The following PCDHA4 variants were observed in gnomAD, a reference collection of about 807,000 sequenced individuals.
The protein encoded by PCDHA4 is protocadherin alpha-4.
In PCDHA4, 49 loss-of-function variants were observed where a neutral mutation model predicts 61.4. That is an observed-to-expected ratio of 0.80 (90% CI 0.63 to 1.01). The LOEUF is 1.01. Among genes scored for constraint, PCDHA4 ranks in the 50% least tolerant of loss-of-function variants. The pLI is 0.00. For missense variants in PCDHA4, 1,254 were observed against 1,235.8 expected (o/e 1.01, Z -0.22); for synonymous variants, 590 against 550.3 (o/e 1.07, Z -1.01).
chr5:140,884,014 G>T, intron 1 of PCDHA4: 2 of 1,613,168 alleles, frequency 1.2e-6, no homozygotes, highest in Non-Finnish European at 1.7e-6. Context: ...AGCTGATGCC[G>T]CGGTCGGTGG....
chr5:140,814,564 T>C (rs1182489958), intron 1 of PCDHA4: 1 of 152,198 alleles, frequency 6.6e-6, no homozygotes, highest in Non-Finnish European at 1.5e-5. Flanking sequence ...GTATCAAGTA[T>C]TATGTACTGT....
At chr5:140,987,227 A>T (rs1410526870) in intron 3 of PCDHA4, among the ~76,000 whole-genome samples, 2 of 151,696 alleles carry the variant, frequency 1.3e-5, no homozygotes, top group African/African-American at 4.8e-5. Context: ...AAAAAAAAAA[A>T]TAATAAATAA....
At chr5:140,821,810 G>A (rs1767067233) in intron 1 of PCDHA4, 2 of 1,613,712 alleles carry the variant, frequency 1.2e-6, no homozygotes, top group Non-Finnish European at 1.7e-6. Context: ...CTGGGATCCC[G>A]GCTCCTGCTG....
At chr5:140,813,102 C>T (rs2126643889) in intron 1 of PCDHA4, 4 of 152,228 alleles carry the variant, frequency 2.6e-5, no homozygotes, top group African/African-American at 9.6e-5. Flanking sequence ...CTTGAGAAGA[C>T]TGTATATTTG....
intron 1 of PCDHA4, chr5:140,823,568 C>G: frequency 6.2e-7 from 1 of 1,613,952 alleles, no homozygotes; most frequent in South Asian, 1.1e-5. Flanking sequence ...GCAGTGGACC[C>G]TGATTCGGGC....
intron 3 of PCDHA4, among the ~76,000 whole-genome samples, chr5:140,984,053 TC>T (rs2097083610): frequency 6.6e-6 from 1 of 152,154 alleles, no homozygotes; most frequent in Non-Finnish European, 1.5e-5. Flanking sequence ...CATTGACAAA[TC>T]TGTACCCTCA....
In PCDHA4 at chr5:141,011,716, A is replaced by G. The variant is rs975588316; in HGVS notation, c.*1779A>G. 6.5e-6 allele frequency: 1 copy of G among 153,764 alleles called. No homozygotes were observed. Among genetic ancestry groups the G allele is most frequent in the African/African-American group, 2.4e-5 (1 of 41,450 alleles). 9.5% of individuals were successfully genotyped at this position (153,764 alleles called of 1,614,324 possible). On this transcript the variant is annotated 3_prime_UTR_variant, in exon 4 of 4. Transcript: ENST00000530339. Reference sequence around the variant, plus strand: ...TTGGAATGAATACTGACAATATTCCATGAGGGTGTGCAAGCACAAATTTTA... The same window carrying G: ...TTGGAATGAATACTGACAATATTCCGTGAGGGTGTGCAAGCACAAATTTTA...
chr5:141,004,642 C>T (rs1470971220), intron 3 of PCDHA4, among the ~76,000 whole-genome samples: 1 of 152,120 alleles, frequency 6.6e-6, no homozygotes, highest in African/African-American at 2.4e-5. Context: ...GAAAAATTTC[C>T]ATTTTGGGCT....
At chr5:140,955,401 A>T (rs1202478496) in intron 1 of PCDHA4, among the ~76,000 whole-genome samples, 2 of 152,122 alleles carry the variant, frequency 1.3e-5, no homozygotes, top group African/African-American at 4.8e-5. Flanking sequence ...TATCCCATAC[A>T]GTTCTCATGA....
intron 1 of PCDHA4, chr5:140,857,381 G>A (rs1232678115): frequency 6.3e-7 from 1 of 1,598,364 alleles, no homozygotes; most frequent in Non-Finnish European, 8.6e-7. Flanking sequence ...TGTGGAGGTG[G>A]CCGACGTGAA....
At chr5:140,869,601 T>C (rs1581902552) in intron 1 of PCDHA4, 1 of 1,613,936 alleles carries the variant, frequency 6.2e-7, no homozygotes, top group East Asian at 2.2e-5. Context: ...AAGAGAATGC[T>C]CTATTGACCT....
rs142949338 is a variant in PCDHA4 at position 140,927,554 on chromosome 5, T to G, written c.2386-51395T>G. On this transcript the variant is annotated intron_variant, in intron 1 of 3. Coordinates refer to ENST00000530339, the MANE Select transcript of PCDHA4 (RefSeq NM_018907.4). ...CGCTCAGGAGACGCACAAGTCACCA[T>G]CATTGTGGTGGACACAAATGACAAC... The G allele has an allele frequency of 5.6e-6, 9 of 1,614,020 alleles. No individual in the cohort carries two copies. The African/African-American group carries it at 1.1e-4, about 19-fold the overall frequency.
At chr5:140,828,644 A>C in intron 1 of PCDHA4, 1 of 1,614,210 alleles carries the variant, frequency 6.2e-7, no homozygotes, top group Non-Finnish European at 8.5e-7. Flanking sequence ...TGTGAAAATA[A>C]ACAGTGATGA....
chr5:140,986,371 G>T (rs1453761888), intron 3 of PCDHA4, among the ~76,000 whole-genome samples: 2 of 152,116 alleles, frequency 1.3e-5, no homozygotes, highest in African/African-American at 2.4e-5. Flanking sequence ...AATGCGTTTT[G>T]GGGGGAGGGA....
intron 1 of PCDHA4, chr5:140,851,333 T>C: frequency 5.1e-6 from 5 of 974,938 alleles, no homozygotes; most frequent in Non-Finnish European, 6.3e-6. Flanking sequence ...TTTGTAGTTC[T>C]CTACATTTCT....
rs782079622 is a variant in PCDHA4, at chr5:140,830,671, A to T, written c.2385+21099A>T. On this transcript the variant is annotated intron_variant, in intron 1 of 3. Coordinates refer to ENST00000530339, the MANE Select transcript of PCDHA4 (RefSeq NM_018907.4). ...TAATATTCATAATTTAAGTGAAATTAGAAATCACTGTCCACAATCTGCACC... is the reference window on the plus strand; with the variant it reads ...TAATATTCATAATTTAAGTGAAATTTGAAATCACTGTCCACAATCTGCACC... 15 of 371,800 alleles carry T rather than the reference A, an allele frequency of 4.0e-5. 1 individual carries two copies. The highest frequency in any genetic ancestry group is 6.2e-5 in the Non-Finnish European group (14 of 224,206). 23.0% of individuals were successfully genotyped at this position (371,800 alleles called of 1,614,324 possible).
Position 140,809,441 on chromosome 5 carries a change from C to T in PCDHA4, c.2254C>T (p.Gln752Ter), listed in dbSNP as rs1554125216. 2 of 1,614,208 alleles carry T rather than the reference C, an allele frequency of 1.2e-6. No individual in the cohort carries two copies. The highest frequency in any genetic ancestry group is 1.1e-5 in the South Asian group (1 of 91,086). Residue 752 changes from glutamine to a stop codon, truncating the protein, a stop_gained, in exon 1 of 4, where the codon CAG becomes TAG. Coordinates refer to ENST00000530339, the MANE Select transcript of PCDHA4 (RefSeq NM_018907.4). LOFTEE classifies it high-confidence loss of function. Reference sequence around the variant, plus strand: ...TGCGGTGGGGAGCTGGTCATACTCGCAGCAGAGGAGGCCGAGGGTGTGCTC... The same window carrying T: ...TGCGGTGGGGAGCTGGTCATACTCGTAGCAGAGGAGGCCGAGGGTGTGCTC... ...SSAVGSWSYS[Q>*]QRRPRVCSGE...
intron 1 of PCDHA4, chr5:140,834,683 G>T: frequency 6.2e-7 from 1 of 1,614,256 alleles, no homozygotes; most frequent in South Asian, 1.1e-5. Flanking sequence ...GGCGGAGCGC[G>T]GAGTGCAGCA....
At chr5:140,999,319 T>G (rs2097853876) in intron 3 of PCDHA4, among the ~76,000 whole-genome samples, 1 of 152,236 alleles carries the variant, frequency 6.6e-6, no homozygotes, top group African/African-American at 2.4e-5. Flanking sequence ...TGACAGACAT[T>G]GATCTGTGTG....
Sources: allele counts gnomAD v4.1 joint callset (sites outside exome capture counted in the v4.1 genomes callset), GRCh38; gene constraint gnomAD v4.1.1; transcripts MANE v1.5; gene names NCBI Gene and HGNC (gene_info 2026-07-23, HGNC 2026-07-21).